The following EPHA7 variants were observed in gnomAD, a reference collection of about 807,000 sequenced individuals.
EPHA7 encodes EPH receptor A7, also known as ephrin type-A receptor 7.
A neutral mutation model predicts 112.6 loss-of-function variants in EPHA7; 25 were observed. That is an observed-to-expected ratio of 0.22 (90% CI 0.16 to 0.31). EPHA7 has a LOEUF of 0.31. Among genes scored for constraint, EPHA7 ranks in the 10% least tolerant of loss-of-function variants. EPHA7 has a pLI of 1.00. For missense variants in EPHA7, 962 were observed against 1,212.6 expected (o/e 0.79, Z 3.07); for synonymous variants, 437 against 406.5 (o/e 1.07, Z -0.90).
At chr6:93,400,367 A>G (rs959757473) in intron 3 of EPHA7, among the ~76,000 whole-genome samples, 6 of 152,228 alleles carry the variant, frequency 3.9e-5, no homozygotes, top group East Asian at 3.9e-4. Context: ...ACAGTGAATT[A>G]CTAATCTTTC....
intron 3 of EPHA7, among the ~76,000 whole-genome samples, chr6:93,363,161 A>G (rs1776338237): frequency 6.6e-6 from 1 of 152,054 alleles, no homozygotes; most frequent in Non-Finnish European, 1.5e-5. Flanking sequence ...AAATAATTAA[A>G]TCATTATTAG....
intron 1 of EPHA7, among the ~76,000 whole-genome samples, chr6:93,417,399 C>T (rs1283066770): frequency 1.3e-5 from 2 of 152,130 alleles, no homozygotes; most frequent in African/African-American, 2.4e-5. Context: ...ACTCGCCGCC[C>T]GCCAGCCACA....
At chr6:93,393,814 T>C (rs770019840) in intron 3 of EPHA7, among the ~76,000 whole-genome samples, 10 of 151,824 alleles carry the variant, frequency 6.6e-5, no homozygotes, top group Non-Finnish European at 1.0e-4. Flanking sequence ...CACTGCCTTT[T>C]AGCCAAATCA....
intron 5 of EPHA7, among the ~76,000 whole-genome samples, chr6:93,292,224 C>T (rs965845319): frequency 5.9e-5 from 9 of 152,152 alleles, no homozygotes; most frequent in African/African-American, 2.2e-4. Flanking sequence ...CTCTCCCTCC[C>T]CTTGCCCCCA....
intron 3 of EPHA7, among the ~76,000 whole-genome samples, chr6:93,408,648 T>C (rs973848608): frequency 9.2e-5 from 14 of 152,256 alleles, no homozygotes; most frequent in Middle Eastern, 3.4e-3. Context: ...CAGAGTTCAC[T>C]TCACAATGTC....
chr6:93,243,520 A>T lies in EPHA7; in HGVS notation c.2903T>A (p.Ile968Asn). Residue 968 changes from isoleucine to asparagine, a missense_variant, in exon 17 of 17, where the codon ATC (isoleucine) becomes AAC (asparagine). By Grantham distance (149) the Ile-to-Asn change is moderately radical. Coordinates refer to ENST00000369303, the MANE Select transcript of EPHA7 (RefSeq NM_004440.4). ...MTIEDVMSLGITLVGHQKKIM... is the reference protein window; with the variant it reads ...MTIEDVMSLGNTLVGHQKKIM... ...TTTCTTTTGATGACCAACCAGTGTG[A>T]TCCCTAAACTCATCACATCCCTGAA... 1 of 1,613,346 alleles carries T rather than the reference A, an allele frequency of 6.2e-7. No individual in the cohort carries two copies. The highest frequency in any genetic ancestry group is 2.2e-5 in the East Asian group (1 of 44,830).
chr6:93,401,614 A>G (rs1231203363), intron 3 of EPHA7, among the ~76,000 whole-genome samples: 2 of 152,096 alleles, frequency 1.3e-5, no homozygotes, highest in African/African-American at 4.8e-5. Flanking sequence ...ATAAAAACTT[A>G]TATGTGCATG....
Position 93,382,948 on chromosome 6 carries a change from G to GT in EPHA7, c.833-24538dup, listed in dbSNP as rs1439434950. Among the ~76,000 whole-genome samples the GT allele has an allele frequency of 5.9e-5, 9 of 152,156 alleles. No homozygotes were observed. The East Asian group carries it at 1.7e-3, about 29-fold the overall frequency. On this transcript the variant is annotated intron_variant, in intron 3 of 16. Transcript: ENST00000369303. ...AATGACCAAGGAGATTTTAGGGAAAGTGAGTATTTGAAACTGCTTCCGTCT... is the reference window on the plus strand; with the variant it reads ...AATGACCAAGGAGATTTTAGGGAAAGTTGAGTATTTGAAACTGCTTCCGTCT...
intron 5 of EPHA7, among the ~76,000 whole-genome samples, chr6:93,310,031 T>TA (rs1773452210): frequency 6.6e-6 from 1 of 152,216 alleles, no homozygotes; most frequent in South Asian, 2.1e-4. Flanking sequence ...TTAATTGCTT[T>TA]ATCAGGCATC....
At chr6:93,378,000 C>G (rs2127967591) in intron 3 of EPHA7, among the ~76,000 whole-genome samples, 1 of 151,696 alleles carries the variant, frequency 6.6e-6, no homozygotes, top group East Asian at 2.0e-4. Context: ...TAAATTAAAC[C>G]ATTCTAATAA....
chr6:93,367,189 GAC>G (rs1452686556), intron 3 of EPHA7, among the ~76,000 whole-genome samples: 1 of 152,080 alleles, frequency 6.6e-6, no homozygotes, highest in Non-Finnish European at 1.5e-5. Context: ...CTTCTTTGAG[GAC>G]ATGTCTTTAT....
At chr6:93,324,497 G>A (rs1168485158) in intron 5 of EPHA7, among the ~76,000 whole-genome samples, 1 of 151,278 alleles carries the variant, frequency 6.6e-6, no homozygotes. Context: ...GATTGGCCTT[G>A]AGGCAAAAAT....
intron 5 of EPHA7, among the ~76,000 whole-genome samples, chr6:93,329,041 TAC>T (rs1774459623): frequency 6.6e-6 from 1 of 151,502 alleles, no homozygotes; most frequent in Admixed American, 6.6e-5. Context: ...CAATAACATA[TAC>T]ACACAAATAA....
intron 5 of EPHA7, among the ~76,000 whole-genome samples, chr6:93,273,487 T>C (rs58136974): frequency 0.1 from 15,870 of 152,046 alleles, 1,100 homozygotes; most frequent in Non-Finnish European, 0.15. Flanking sequence ...CTTTATTTTG[T>C]TTCTTCTACT....
intron 6 of EPHA7, among the ~76,000 whole-genome samples, chr6:93,271,921 T>TA (rs1249690937): frequency 4.0e-5 from 6 of 151,782 alleles, no homozygotes; most frequent in African/African-American, 1.2e-4. Flanking sequence ...CCACATAAAT[T>TA]AAACAAACCA....
At chr6:93,360,709 A>G (rs1306666619) in intron 3 of EPHA7, among the ~76,000 whole-genome samples, 3 of 152,128 alleles carry the variant, frequency 2.0e-5, no homozygotes, top group African/African-American at 7.2e-5. Flanking sequence ...GAGAAATTTC[A>G]AACTCTTATC....
intron 3 of EPHA7, among the ~76,000 whole-genome samples, chr6:93,364,265 T>C (rs993590112): frequency 1.3e-5 from 2 of 152,160 alleles, no homozygotes; most frequent in Non-Finnish European, 2.9e-5. Flanking sequence ...GGCTCATGCC[T>C]GTAATCCCAG....
At chr6:93,307,026 C>A (rs564865151) in intron 5 of EPHA7, among the ~76,000 whole-genome samples, 126 of 151,762 alleles carry the variant, frequency 8.3e-4, no homozygotes, top group African/African-American at 2.8e-3. Context: ...AATACTATTG[C>A]ATAAAAGAAG....
At chr6:93,260,891 AAAAC>A (rs1306408307) in intron 9 of EPHA7, 1 of 267,330 alleles carries the variant, frequency 3.7e-6, no homozygotes, top group African/African-American at 2.3e-5. Context: ...AGAAGGGAAG[AAAAC>A]AATAGGTTAA....
Sources: allele counts gnomAD v4.1 joint callset (sites outside exome capture counted in the v4.1 genomes callset), GRCh38; gene constraint gnomAD v4.1.1; transcripts MANE v1.5; gene names NCBI Gene and HGNC (gene_info 2026-07-23, HGNC 2026-07-21).